The following INPP4B variants were observed in gnomAD, a reference collection of about 807,000 sequenced individuals.
The protein encoded by INPP4B is inositol polyphosphate 4-phosphatase type II.
In INPP4B, 55 loss-of-function variants were observed where a neutral mutation model predicts 122.5. That is an observed-to-expected ratio of 0.45 (90% CI 0.36 to 0.56). The LOEUF (loss-of-function observed/expected upper bound fraction) is 0.56. Ranked by LOEUF, INPP4B falls within the 20% of genes least tolerant of loss-of-function variation. The probability of loss-of-function intolerance (pLI) is 0.00; values close to 1 mark genes in which losing one functional copy is unlikely to be tolerated. For synonymous variants in INPP4B, 403 were observed against 388.7 expected, an observed-to-expected ratio of 1.04 and a Z score of -0.43; for missense variants, 1,000 against 1,097.7, an observed-to-expected ratio of 0.91 and a Z score of 1.26.
chr4:142,071,261 G>A (rs536894635), intron 25 of INPP4B, among the ~76,000 whole-genome samples: 1 of 152,174 alleles, frequency 6.6e-6, no homozygotes, highest in Non-Finnish European at 1.5e-5. Context: ...AATAAATGGT[G>A]CTGGGAAAAC....
At position 142,308,923 on chromosome 4, in the gene INPP4B, G is replaced by A. The variant is rs775666023; in HGVS notation, c.424-3386C>T. Among the ~76,000 whole-genome samples the A allele has an allele frequency of 2.0e-4, 30 of 151,966 alleles. No individual in the cohort carries two copies. In the South Asian group the frequency reaches 2.9e-3, roughly 15 times the overall value. On this transcript the variant is annotated intron_variant, in intron 8 of 25. Transcript: ENST00000262992. ...TCTGGACAATTACATTACTTCTTCCGGCCCCCAGGCTCACCATCTACTGCT... is the reference window on the plus strand; with the variant it reads ...TCTGGACAATTACATTACTTCTTCCAGCCCCCAGGCTCACCATCTACTGCT...
chr4:142,509,378 GC>G (rs937620822), intron 2 of INPP4B, among the ~76,000 whole-genome samples: 4 of 150,752 alleles, frequency 2.7e-5, no homozygotes, highest in African/African-American at 9.8e-5. Context: ...CCCTCCCCTT[GC>G]CCCCCATCCC....
intron 1 of INPP4B, among the ~76,000 whole-genome samples, chr4:142,819,754 G>C (rs1185305229): frequency 6.6e-6 from 1 of 151,990 alleles, no homozygotes; most frequent in Non-Finnish European, 1.5e-5. Context: ...CCAATAGGGG[G>C]CCACCTCACC....
intron 12 of INPP4B, among the ~76,000 whole-genome samples, chr4:142,220,976 A>G (rs1849099887): frequency 6.6e-6 from 1 of 152,058 alleles, no homozygotes; most frequent in South Asian, 2.1e-4. Flanking sequence ...CCTGTCTCCA[A>G]TATAGTCACA....
At chr4:142,058,517 T>TA (rs1273060952) in intron 25 of INPP4B, among the ~76,000 whole-genome samples, 1 of 152,074 alleles carries the variant, frequency 6.6e-6, no homozygotes, top group Non-Finnish European at 1.5e-5. Flanking sequence ...AAGCACACAG[T>TA]AGTACAAGAG....
intron 2 of INPP4B, among the ~76,000 whole-genome samples, chr4:142,541,800 A>G (rs1828977888): frequency 6.6e-6 from 1 of 152,010 alleles, no homozygotes; most frequent in Non-Finnish European, 1.5e-5. Context: ...CCTGGAGCAC[A>G]TGTAACGTTC....
chr4:142,409,015 C>G (rs553272646), intron 5 of INPP4B, among the ~76,000 whole-genome samples: 11 of 152,140 alleles, frequency 7.2e-5, no homozygotes, highest in Non-Finnish European at 7.4e-5. Context: ...AAATAAAGAG[C>G]AATAAGTGAC....
intron 2 of INPP4B, among the ~76,000 whole-genome samples, chr4:142,666,487 G>A (rs752796507): frequency 3.5e-4 from 53 of 151,702 alleles, no homozygotes; most frequent in Non-Finnish European, 5.3e-4. Flanking sequence ...AATATTATAC[G>A]GCAAATAAAA....
chr4:142,254,240 C>A (rs185943972), intron 11 of INPP4B, among the ~76,000 whole-genome samples: 219 of 151,730 alleles, frequency 1.4e-3, no homozygotes, highest in Middle Eastern at 6.8e-3. Flanking sequence ...TAGATAAAAC[C>A]ACAAAGATGG....
intron 1 of INPP4B, among the ~76,000 whole-genome samples, chr4:142,802,902 G>A (rs1580952107): frequency 1.3e-5 from 2 of 151,944 alleles, no homozygotes; most frequent in South Asian, 2.1e-4. Flanking sequence ...GGGTGCGGTG[G>A]CTCATCCCTT....
intron 7 of INPP4B, among the ~76,000 whole-genome samples, chr4:142,323,612 A>AT (rs568488392): frequency 2.2e-4 from 34 of 151,782 alleles, no homozygotes; most frequent in African/African-American, 8.0e-4. Context: ...CGCCTGGCTA[A>AT]TTTTTTGTAT....
chr4:142,644,622 T>C (rs1580603882), intron 2 of INPP4B, among the ~76,000 whole-genome samples: 1 of 150,840 alleles, frequency 6.6e-6, no homozygotes, highest in East Asian at 2.0e-4. Flanking sequence ...AGAGGACAGG[T>C]GCAGCAGCTC....
chr4:142,628,557 T>TAAAA (rs35955830), intron 2 of INPP4B, among the ~76,000 whole-genome samples: 158 of 99,438 alleles, frequency 1.6e-3, no homozygotes, highest in Middle Eastern at 6.1e-3. Context: ...AAACTTAAAG[T>TAAAA]AAAAAAAAAA....
At chr4:142,748,754 G>A (rs1769177665) in intron 1 of INPP4B, among the ~76,000 whole-genome samples, 1 of 151,350 alleles carries the variant, frequency 6.6e-6, no homozygotes, top group African/African-American at 2.4e-5. Context: ...TGAGAAAGAA[G>A]GCAGAAAGAG....
chr4:142,454,106 T>C (rs932330210), intron 3 of INPP4B, among the ~76,000 whole-genome samples: 1 of 152,108 alleles, frequency 6.6e-6, no homozygotes, highest in Non-Finnish European at 1.5e-5. Flanking sequence ...AAAAACAACA[T>C]GTGTAGACTT....
At chr4:142,260,602 A>G (rs756581612) in intron 10 of INPP4B, 38 bp from the exon 11 acceptor site, 1 of 1,225,336 alleles carries the variant, frequency 8.2e-7, no homozygotes, top group South Asian at 1.3e-5. Flanking sequence ...AAATTTTGAG[A>G]ACAATCAAAA....
At chr4:142,368,956 G>A (rs766685614) in intron 7 of INPP4B, among the ~76,000 whole-genome samples, 8 of 152,072 alleles carry the variant, frequency 5.3e-5, no homozygotes, top group Admixed American at 1.3e-4. Flanking sequence ...TAGTGTTTTG[G>A]GGTAAGGAGC....
chr4:142,360,800 CATGTT>C (rs1785132461), intron 7 of INPP4B, among the ~76,000 whole-genome samples: 1 of 151,874 alleles, frequency 6.6e-6, no homozygotes, highest in Admixed American at 6.6e-5. Flanking sequence ...TCATTTATAA[CATGTT>C]AGGTGGAAAA....
intron 2 of INPP4B, among the ~76,000 whole-genome samples, chr4:142,519,785 T>C (rs1159693802): frequency 6.6e-6 from 1 of 152,136 alleles, no homozygotes; most frequent in Non-Finnish European, 1.5e-5. Flanking sequence ...TTCAGATCAA[T>C]GTTAAAATAT....
Sources: allele counts gnomAD v4.1 joint callset (sites outside exome capture counted in the v4.1 genomes callset), GRCh38; gene constraint gnomAD v4.1.1; transcripts MANE v1.5; gene names NCBI Gene and HGNC (gene_info 2026-07-23, HGNC 2026-07-21).